The following CACNA1D variants were observed in gnomAD, a reference collection of about 807,000 sequenced individuals.
CACNA1D encodes voltage-dependent L-type calcium channel subunit alpha-1D.
A neutral mutation model predicts 257.1 loss-of-function variants in CACNA1D; 55 were observed. The ratio of observed to expected loss-of-function variants is 0.21; its 90% CI spans 0.17 to 0.27. The LOEUF (loss-of-function observed/expected upper bound fraction) is 0.27, where lower values mean the gene tolerates loss of function less well. Among genes scored for constraint, CACNA1D ranks in the 10% least tolerant of loss-of-function variants. CACNA1D has a pLI of 1.00. For synonymous variants in CACNA1D, 980 were observed against 1,014.9 expected, an observed-to-expected ratio of 0.97 and a Z score of 0.65; for missense variants, 1,876 against 2,784.0, an observed-to-expected ratio of 0.67 and a Z score of 7.34.
At chr3:53,577,325 G>A (rs1029922695) in intron 3 of CACNA1D, among the ~76,000 whole-genome samples, 1 of 152,176 alleles carries the variant, frequency 6.6e-6, no homozygotes, top group African/African-American at 2.4e-5. Context: ...TCCAGGGGGT[G>A]CTGGGGAGGA....
intron 3 of CACNA1D, among the ~76,000 whole-genome samples, chr3:53,518,275 T>G (rs1374763846): frequency 5.3e-5 from 8 of 152,226 alleles, no homozygotes; most frequent in Non-Finnish European, 8.8e-5. Flanking sequence ...TTACTATTTC[T>G]GATAAGAATG....
intron 45 of CACNA1D, 58 bp downstream of exon 45, chr3:53,805,204 C>A (rs1013458331): frequency 1.1e-5 from 17 of 1,536,428 alleles, no homozygotes; most frequent in African/African-American, 1.4e-5. Flanking sequence ...TACCTCTCCC[C>A]CAACCCCCGC....
At chr3:53,803,211 C>T (rs555536423) in intron 43 of CACNA1D, among the ~76,000 whole-genome samples, 2 of 152,326 alleles carry the variant, frequency 1.3e-5, no homozygotes, top group Admixed American at 1.3e-4. Context: ...CTGAGAGAGA[C>T]CCTATCCTGG....
intron 19 of CACNA1D, 88 bp from the exon 20 acceptor site, chr3:53,735,286 C>G: frequency 4.0e-6 from 5 of 1,256,958 alleles, no homozygotes; most frequent in Non-Finnish European, 4.7e-6. Flanking sequence ...TCTGCCTGGC[C>G]TCTTGCTGCA....
chr3:53,522,621 A>C (rs1264842629), intron 3 of CACNA1D, among the ~76,000 whole-genome samples: 1 of 152,220 alleles, frequency 6.6e-6, no homozygotes, highest in African/African-American at 2.4e-5. Context: ...GACTAGGGGA[A>C]GATGTTGAAG....
chr3:53,793,312 C>T lies in CACNA1D; in HGVS notation c.4923+6360C>T, dbSNP rs1409049304. 2.0e-5 allele frequency among the ~76,000 whole-genome samples: 3 copies of T among 152,192 alleles called. No homozygotes were observed. The highest frequency in any genetic ancestry group is 6.5e-5 in the Admixed American group (1 of 15,280). Reference sequence around the variant, plus strand: ...AGAATTTATGAAGAATGTGATGTATCGTCCCTGAAAGGGAAGCCCGTCAGT... The same window carrying T: ...AGAATTTATGAAGAATGTGATGTATTGTCCCTGAAAGGGAAGCCCGTCAGT... On this transcript the variant is annotated intron_variant, in intron 40 of 47. Coordinates refer to ENST00000350061, the MANE Select transcript of CACNA1D (RefSeq NM_001128840.3). This position sits in a 1 kb window ranked among gnomAD's most constrained non-coding sequence, Gnocchi z 4.1.
intron 8 of CACNA1D, among the ~76,000 whole-genome samples, chr3:53,699,148 C>T (rs930875353): frequency 2.0e-5 from 3 of 152,100 alleles, no homozygotes; most frequent in African/African-American, 7.2e-5. Flanking sequence ...CTCAACTGAG[C>T]AGATAGTGTA....
At chr3:53,591,984 CT>C (rs111982504) in intron 3 of CACNA1D, among the ~76,000 whole-genome samples, 8,266 of 152,238 alleles carry the variant, frequency 0.054, 655 homozygotes, top group African/African-American at 0.16. Flanking sequence ...CCAGGAACAC[CT>C]TGATTCTTCT....
chr3:53,653,517 T>TA (rs904574532), intron 4 of CACNA1D, among the ~76,000 whole-genome samples: 50 of 150,500 alleles, frequency 3.3e-4, no homozygotes, highest in African/African-American at 6.1e-4. Flanking sequence ...TGGGACAATA[T>TA]AAAAAAAAAC....
At chr3:53,691,625 G>C (rs2094520093) in intron 8 of CACNA1D, among the ~76,000 whole-genome samples, 1 of 144,188 alleles carries the variant, frequency 6.9e-6, no homozygotes, top group African/African-American at 2.6e-5. Context: ...TTCATACTCA[G>C]ATGCCTGAAA....
chr3:53,517,990 C>A (rs979602433), intron 3 of CACNA1D, among the ~76,000 whole-genome samples: 4 of 152,226 alleles, frequency 2.6e-5, no homozygotes, highest in African/African-American at 7.2e-5. Context: ...CATCTTCATC[C>A]TCTTCCTAAA....
intron 3 of CACNA1D, among the ~76,000 whole-genome samples, chr3:53,519,980 C>A (rs2091487320): frequency 6.6e-6 from 1 of 152,194 alleles, no homozygotes; most frequent in Admixed American, 6.5e-5. Flanking sequence ...ATCACTACTT[C>A]ATTCCTTTTT....
At chr3:53,538,983 A>G (rs1422410217) in intron 3 of CACNA1D, among the ~76,000 whole-genome samples, 1 of 152,172 alleles carries the variant, frequency 6.6e-6, no homozygotes, top group Non-Finnish European at 1.5e-5. Context: ...CTCAGTGTTT[A>G]TGGTAATGAC....
intron 9 of CACNA1D, 110 bp from the exon 10 acceptor site, chr3:53,718,191 C>T: frequency 1.1e-6 from 1 of 908,842 alleles, no homozygotes. Context: ...CCTTTTCACC[C>T]TCCTCCTGGG....
intron 8 of CACNA1D, chr3:53,674,168 A>G (rs2094351606): frequency 9.9e-6 from 4 of 404,818 alleles, no homozygotes; most frequent in Non-Finnish European, 1.9e-5. Flanking sequence ...CTATTAGTAC[A>G]TAACTCCTTG....
At chr3:53,656,945 A>G (rs140050518) in intron 4 of CACNA1D, among the ~76,000 whole-genome samples, 1 of 152,288 alleles carries the variant, frequency 6.6e-6, no homozygotes, top group Non-Finnish European at 1.5e-5. Flanking sequence ...GAACTCTCAT[A>G]CACCACTTGT....
chr3:53,734,662 T>C (rs1040043194), intron 19 of CACNA1D, among the ~76,000 whole-genome samples: 1 of 152,166 alleles, frequency 6.6e-6, no homozygotes. Context: ...CCTCCATTGC[T>C]TCACGAGACC....
Position 53,704,263 on chromosome 3 carries a change from G to A in CACNA1D, c.1390+1453G>A, listed in dbSNP as rs565809385. ...TCAAGCCTGGGCTCTGTGCCTCCAT[G>A]GGGAGGGAGTGTGTTCCGTGATCTC... On this transcript the variant is annotated intron_variant, in intron 9 of 47. Coordinates refer to ENST00000350061, the MANE Select transcript of CACNA1D (RefSeq NM_001128840.3). 2.0e-5 allele frequency among the ~76,000 whole-genome samples: 3 copies of A among 152,132 alleles called. No homozygotes were observed. In the South Asian group the frequency reaches 6.2e-4, roughly 32 times the overall value.
chr3:53,557,018 C>T (rs1252154076), intron 3 of CACNA1D, among the ~76,000 whole-genome samples: 2 of 152,022 alleles, frequency 1.3e-5, no homozygotes, highest in East Asian at 3.9e-4. Flanking sequence ...GCCCAGCTGT[C>T]TTTCTGTTCT....
Sources: allele counts gnomAD v4.1 joint callset (sites outside exome capture counted in the v4.1 genomes callset), GRCh38; gene constraint gnomAD v4.1.1; non-coding constraint Gnocchi (gnomAD v3.1); transcripts MANE v1.5; gene names NCBI Gene and HGNC (gene_info 2026-07-23, HGNC 2026-07-21).